ARID5B: variants seen among roughly 807,000 people sequenced by gnomAD.
ARID5B encodes AT-rich interactive domain-containing protein 5B.
Under a neutral mutation model 97.2 loss-of-function variants are expected in ARID5B, and 13 were observed. The observed-to-expected ratio is 0.13, with a 90% CI of 0.09 to 0.21. The LOEUF (loss-of-function observed/expected upper bound fraction) is 0.21, where lower values mean the gene tolerates loss of function less well. Ranked by LOEUF, ARID5B falls within the 10% of genes least tolerant of loss-of-function variation. The pLI, the probability that ARID5B is intolerant of heterozygous loss-of-function variation, is 1.00. For missense variants in ARID5B, 1,210 were observed against 1,465.3 expected (o/e 0.83, Z 2.84); for synonymous variants, 556 against 570.3 (o/e 0.97, Z 0.36).
intron 2 of ARID5B, among the ~76,000 whole-genome samples, chr10:61,906,787 A>G (rs1843715745): frequency 1.3e-5 from 2 of 152,240 alleles, no homozygotes; most frequent in African/African-American, 4.8e-5. Flanking sequence ...CTGAATTTTA[A>G]ATATTTAAAC....
chr10:62,013,312 CT>C (rs1334644608), intron 4 of ARID5B, among the ~76,000 whole-genome samples: 1 of 152,024 alleles, frequency 6.6e-6, no homozygotes, highest in African/African-American at 2.4e-5. Context: ...ATGTAACCCA[CT>C]TTTTTTAATA....
intron 9 of ARID5B, among the ~76,000 whole-genome samples, chr10:62,086,586 G>A (rs1052748891): frequency 6.7e-5 from 10 of 149,996 alleles, no homozygotes; most frequent in African/African-American, 1.5e-4. Context: ...CTGTAGTCCC[G>A]GCTACTTGGG....
intron 7 of ARID5B, 22 bp downstream of exon 7, chr10:62,059,317 A>G (rs773427106): frequency 1.2e-6 from 2 of 1,606,440 alleles, no homozygotes; most frequent in Non-Finnish European, 1.7e-6. Flanking sequence ...AGCAACTTAA[A>G]TGAAATAATT....
intron 2 of ARID5B, among the ~76,000 whole-genome samples, chr10:61,904,863 C>G (rs1384775551): frequency 1.3e-5 from 2 of 152,166 alleles, no homozygotes; most frequent in Non-Finnish European, 2.9e-5. Context: ...AGAAAGTTTC[C>G]CAATGCAGAT....
intron 8 of ARID5B, among the ~76,000 whole-genome samples, chr10:62,080,677 T>C (rs1033407506): frequency 2.0e-5 from 3 of 152,182 alleles, no homozygotes; most frequent in Admixed American, 1.3e-4. Context: ...CTGGCCAAGC[T>C]GTAGAAATTT....
intron 4 of ARID5B, among the ~76,000 whole-genome samples, chr10:62,046,294 T>A (rs1175449351): frequency 6.6e-6 from 1 of 152,236 alleles, no homozygotes; most frequent in Admixed American, 6.5e-5. Flanking sequence ...ACTGGTTACA[T>A]TTCCCTTTGT....
chr10:61,965,915 T>G (rs1160850395), intron 3 of ARID5B, among the ~76,000 whole-genome samples: 3 of 152,234 alleles, frequency 2.0e-5, no homozygotes, highest in Non-Finnish European at 4.4e-5. Flanking sequence ...TGGGAAACAA[T>G]GAAATGTCTT....
intron 3 of ARID5B, among the ~76,000 whole-genome samples, chr10:61,999,306 G>A (rs1029269844): frequency 6.6e-6 from 1 of 152,180 alleles, no homozygotes; most frequent in East Asian, 1.9e-4. Flanking sequence ...ACTTTCTATG[G>A]GGTTACAGCC....
At chr10:61,936,446 T>A (rs1430143577) in intron 2 of ARID5B, among the ~76,000 whole-genome samples, 1 of 152,152 alleles carries the variant, frequency 6.6e-6, no homozygotes, top group Non-Finnish European at 1.5e-5. Flanking sequence ...GGTGAAACCC[T>A]GTCTCTACTA....
intron 4 of ARID5B, among the ~76,000 whole-genome samples, chr10:62,024,343 G>A (rs1839393517): frequency 6.6e-6 from 1 of 152,210 alleles, no homozygotes. Flanking sequence ...TACAACACCT[G>A]TTGTCTTTGT....
intron 4 of ARID5B, among the ~76,000 whole-genome samples, chr10:62,018,808 T>G (rs116874194): frequency 0.013 from 1,913 of 152,260 alleles, 24 homozygotes; most frequent in Admixed American, 0.019. Context: ...TATTTACAGT[T>G]CACCAAGAAC....
At chr10:62,022,237 C>T (rs1392442524) in intron 4 of ARID5B, among the ~76,000 whole-genome samples, 3 of 152,206 alleles carry the variant, frequency 2.0e-5, no homozygotes, top group African/African-American at 4.8e-5. Flanking sequence ...AGATGGTGTG[C>T]GGATTTCCAG....
chr10:61,934,143 G>A (rs890119431), intron 2 of ARID5B, among the ~76,000 whole-genome samples: 4 of 152,158 alleles, frequency 2.6e-5, no homozygotes, highest in African/African-American at 7.2e-5. Context: ...ACCTCTGTTA[G>A]CTTCCAACCT....
At chr10:61,924,348 T>A (rs191613689) in intron 2 of ARID5B, among the ~76,000 whole-genome samples, 1 of 152,352 alleles carries the variant, frequency 6.6e-6, no homozygotes, top group Admixed American at 6.5e-5. Context: ...AATCCTGGCT[T>A]ATTGAAAAAC....
chr10:61,989,209 G>A (rs1838889477), intron 3 of ARID5B, among the ~76,000 whole-genome samples: 2 of 152,106 alleles, frequency 1.3e-5, no homozygotes, highest in South Asian at 4.1e-4. Context: ...GATTACAGGC[G>A]TGAGCCACCG....
At chr10:61,981,894 G>C (rs75527785) in intron 3 of ARID5B, among the ~76,000 whole-genome samples, 4 of 152,282 alleles carry the variant, frequency 2.6e-5, no homozygotes, top group African/African-American at 4.8e-5. Context: ...CCTGTCAGAC[G>C]TCCATGGTGG....
intron 2 of ARID5B, among the ~76,000 whole-genome samples, chr10:61,916,349 G>A (rs1310899269): frequency 2.6e-5 from 4 of 152,262 alleles, no homozygotes; most frequent in Non-Finnish European, 4.4e-5. Flanking sequence ...GGCAGCTTTC[G>A]CACTATAGTG....
intron 2 of ARID5B, among the ~76,000 whole-genome samples, chr10:61,937,906 C>G (rs1844334655): frequency 6.6e-6 from 1 of 152,154 alleles, no homozygotes; most frequent in South Asian, 2.1e-4. Flanking sequence ...CTGTTTCCCC[C>G]TCCTCTCCTT....
At chr10:61,924,280 A>G (rs534264482) in intron 2 of ARID5B, among the ~76,000 whole-genome samples, 87 of 152,320 alleles carry the variant, frequency 5.7e-4, no homozygotes, top group Non-Finnish European at 1.1e-3. Context: ...TCCACACCAC[A>G]GTCGTTGAAC....
Sources: allele counts gnomAD v4.1 joint callset (sites outside exome capture counted in the v4.1 genomes callset), GRCh38; gene constraint gnomAD v4.1.1; transcripts MANE v1.5; gene names NCBI Gene and HGNC (gene_info 2026-07-23, HGNC 2026-07-21).